Variants in WNT7B observed in about 807,000 individuals in gnomAD.
WNT7B encodes the protein Wnt family member 7B, also known as protein Wnt-7b.
A neutral mutation model predicts 38.2 loss-of-function variants in WNT7B; 19 were observed. The observed-to-expected ratio is 0.50, with a 90% CI of 0.35 to 0.73. The LOEUF is 0.73. Ranked by LOEUF, WNT7B falls within the 30% of genes least tolerant of loss-of-function variation. The pLI is 0.01. For missense variants in WNT7B, 423 were observed against 507.9 expected (o/e 0.83, Z 1.61); for synonymous variants, 243 against 209.3 (o/e 1.16, Z -1.39).
chr22:45,972,172 CAGG>C (rs1932459943), intron 1 of WNT7B: 2 of 628,256 alleles, frequency 3.2e-6, no homozygotes, highest in Non-Finnish European at 5.8e-6. Flanking sequence ...TGCCGCTGGA[CAGG>C]AGGAGAAAGA....
intron 1 of WNT7B, among the ~76,000 whole-genome samples, chr22:45,956,482 G>A (rs1198946855): frequency 2.0e-5 from 3 of 152,180 alleles, no homozygotes; most frequent in African/African-American, 7.2e-5. Context: ...CAGCAATTGT[G>A]AAGCTACTGG....
intron 3 of WNT7B, chr22:45,927,162 C>T (rs892814905): frequency 1.0e-6 from 1 of 984,846 alleles, no homozygotes; most frequent in African/African-American, 1.7e-5. Flanking sequence ...ACCTGCCTGC[C>T]CCACGTAGCA....
chr22:45,962,393 G>A (rs1014436656), intron 1 of WNT7B, among the ~76,000 whole-genome samples: 7 of 152,250 alleles, frequency 4.6e-5, no homozygotes, highest in East Asian at 1.9e-4. Context: ...GATCTCTACC[G>A]GCACCCAGGG....
intron 1 of WNT7B, among the ~76,000 whole-genome samples, chr22:45,971,509 G>A (rs1569126932): frequency 1.3e-5 from 2 of 152,140 alleles, no homozygotes; most frequent in Admixed American, 6.5e-5. Context: ...CCCACGCTCC[G>A]CGCTCTCCCT....
chr22:45,951,329 G>T lies in WNT7B; in HGVS notation c.72-1183C>A, dbSNP rs971480096. On this transcript the variant is annotated intron_variant, in intron 1 of 3. Transcript: ENST00000339464. This position sits in a 1 kb window ranked among gnomAD's most constrained non-coding sequence, Gnocchi z 4.8. ...TGACCTCAGGTCATCTGCCCGCCTC[G>T]GCCTCCCAAAATGCTGGGATTACAG... Among the ~76,000 whole-genome samples, 1 of 151,596 alleles carries T rather than the reference G, an allele frequency of 6.6e-6. No homozygotes were observed.
At position 45,966,397 on chromosome 22, in the gene WNT7B, C is replaced by T. The variant is rs542122342; in HGVS notation, c.71+10287G>A. On this transcript the variant is annotated intron_variant, in intron 1 of 3. Transcript: ENST00000339464. The surrounding 1 kb of genome is among the most constrained non-coding windows in gnomAD (Gnocchi z 4.2). ...AGCTGAGACACCACCAGTCCTTGTG[C>T]CCGGGCTCCCTCCGGCCTGGCCCAT... Among the ~76,000 whole-genome samples the T allele has an allele frequency of 2.0e-5, 3 of 152,362 alleles. No homozygotes were observed. The East Asian group carries it at 5.8e-4, about 29-fold the overall frequency.
rs899074860 is a variant in WNT7B, at chr22:45,942,904, C to CGT, written c.298+7014_298+7015dup. Among the ~76,000 whole-genome samples the CGT allele has an allele frequency of 1.7e-4, 26 of 148,948 alleles. No homozygotes were observed. The East Asian group carries it at 3.8e-3, about 22-fold the overall frequency. The stretch of plus-strand genomic sequence containing the variant: ...GCATGTATGTGCGTGTGTGTGCGCG[C>CGT]GTGTGTGCAGTGTGCACGTGTGTGC... On this transcript the variant is annotated intron_variant, in intron 2 of 3. Coordinates refer to ENST00000339464, the MANE Select transcript of WNT7B (RefSeq NM_058238.3).
At chr22:45,968,488 G>C (rs566218628) in intron 1 of WNT7B, among the ~76,000 whole-genome samples, 4 of 152,206 alleles carry the variant, frequency 2.6e-5, no homozygotes, top group Non-Finnish European at 5.9e-5. Flanking sequence ...GTCAGGATGA[G>C]GACCCAGATC....
Position 45,939,188 on chromosome 22 carries a change from C to G in WNT7B, c.299-7819G>C, listed in dbSNP as rs559921341. On this transcript the variant is annotated intron_variant, in intron 2 of 3. Coordinates refer to ENST00000339464, the MANE Select transcript of WNT7B (RefSeq NM_058238.3). Reference sequence around the variant, plus strand: ...GATGCTGGTGGCAGTGTGAGATGCTCGTGGCAGTGTGAGATGCTGCAGCCA... The same window carrying G: ...GATGCTGGTGGCAGTGTGAGATGCTGGTGGCAGTGTGAGATGCTGCAGCCA... Among the ~76,000 whole-genome samples the G allele has an allele frequency of 5.3e-5, 8 of 152,176 alleles. No homozygotes were observed. The South Asian group carries it at 6.2e-4, about 12-fold the overall frequency.
At position 45,931,338 on chromosome 22, in the gene WNT7B, G is replaced by A. The variant is rs1931350727; in HGVS notation, c.330C>T (p.Ile110=). The change falls in exon 3 of 4, where the codon ATC becomes ATT. Residue 110 remains isoleucine (I), a synonymous_variant. Transcript: ENST00000339464. ...GSREAAFTYA[I]TAAGVAHAVT... is the part of the protein sequence containing the mutation. ...CGGCGTGCGCCACGCCAGCCGCGGTGATGGCGTACGTGAAGGCAGCCTCAC... is the reference window on the plus strand; with the variant it reads ...CGGCGTGCGCCACGCCAGCCGCGGTAATGGCGTACGTGAAGGCAGCCTCAC... The A allele has an allele frequency of 2.5e-6, 4 of 1,594,562 alleles. No individual in the cohort carries two copies. Among genetic ancestry groups the A allele is most frequent in the Admixed American group, 1.7e-5 (1 of 59,852 alleles).
chr22:45,929,585 C>G (rs1222363665), intron 3 of WNT7B, among the ~76,000 whole-genome samples: 1 of 145,056 alleles, frequency 6.9e-6, no homozygotes, highest in Non-Finnish European at 1.5e-5. Flanking sequence ...TCCATACTTC[C>G]ATCCATTCAT....
rs9803004 is a variant in WNT7B, at chr22:45,939,672, A to C, written c.299-8303T>G. 2.4e-3 allele frequency among the ~76,000 whole-genome samples: 254 copies of C among 104,382 alleles called. 3 individuals are homozygous for C. In the East Asian group the frequency reaches 0.082, roughly 34 times the overall value. 68.5% of individuals were successfully genotyped at this position (104,382 alleles called of 152,430 possible). A position where few individuals can be genotyped will look rare whatever the true frequency, so the allele number is the denominator to read the frequency against. Reference sequence around the variant, plus strand: ...ACTCACACACACACACACACACACAAAAATAGCCAGGTGTGGTGGTGCACG... The same window carrying C: ...ACTCACACACACACACACACACACACAAATAGCCAGGTGTGGTGGTGCACG... On this transcript the variant is annotated intron_variant, in intron 2 of 3. Transcript: ENST00000339464.
rs559854590 is a variant in WNT7B, at chr22:45,975,578, G to A, written c.71+1106C>T. 331 of 716,974 alleles carry A rather than the reference G, an allele frequency of 4.6e-4. 5 individuals carry two copies. The highest frequency in any genetic ancestry group is 4.4e-3 in the South Asian group (296 of 67,550). 44.4% of individuals were successfully genotyped at this position (716,974 alleles called of 1,614,324 possible). A position where few individuals can be genotyped will look rare whatever the true frequency, so the allele number is the denominator to read the frequency against. On this transcript the variant is annotated intron_variant, in intron 1 of 3. Transcript: ENST00000339464. This position sits in a 1 kb window ranked among gnomAD's most constrained non-coding sequence, Gnocchi z 6.6. ...TGGCGGGGCAGACATGGGATGGAGGGTGATGGAGAGACGATTCCCAGCGCC... is the reference window on the plus strand; with the variant it reads ...TGGCGGGGCAGACATGGGATGGAGGATGATGGAGAGACGATTCCCAGCGCC...
rs1930931971 is a variant in WNT7B at position 45,921,660 on chromosome 22, CTG to C, written c.*1194_*1195del. 6.6e-6 allele frequency: 1 copy of C among 152,200 alleles called. No individual in the cohort carries two copies. The highest frequency in any genetic ancestry group is 2.1e-4 in the South Asian group (1 of 4,832). 9.4% of individuals were successfully genotyped at this position (152,200 alleles called of 1,614,324 possible). The stretch of plus-strand genomic sequence containing the variant: ...GCTGGCTCCAGGGGGAAGGGGGTCT[CTG>C]TAAACTGGAGGTGCCAGGCCGGGAG... On this transcript the variant is annotated 3_prime_UTR_variant, in exon 4 of 4. Coordinates refer to ENST00000339464, the MANE Select transcript of WNT7B (RefSeq NM_058238.3).
At chr22:45,945,228 C>A (rs1019565144) in intron 2 of WNT7B, among the ~76,000 whole-genome samples, 7 of 152,222 alleles carry the variant, frequency 4.6e-5, no homozygotes, top group African/African-American at 1.7e-4. Flanking sequence ...GGAGTACAGG[C>A]ATGTGCCACC....
At chr22:45,938,581 T>C (rs1233444001) in intron 2 of WNT7B, among the ~76,000 whole-genome samples, 1 of 151,250 alleles carries the variant, frequency 6.6e-6, no homozygotes. Context: ...GAGGTTGCAG[T>C]GAACCAAGAT....
chr22:45,964,457 G>C (rs1045693148), intron 1 of WNT7B, among the ~76,000 whole-genome samples: 2 of 152,190 alleles, frequency 1.3e-5, no homozygotes, highest in Admixed American at 6.5e-5. Flanking sequence ...GGGCACACAG[G>C]AGGAGCCCCA....
Position 45,951,535 on chromosome 22 carries a change from A to G in WNT7B, c.72-1389T>C, listed in dbSNP as rs558369806. Reference sequence around the variant, plus strand: ...ACCCCAGAAGGAAACTGTACCCATCAGTCACTCCCCGTTCTCCCCTCCCCG... The same window carrying G: ...ACCCCAGAAGGAAACTGTACCCATCGGTCACTCCCCGTTCTCCCCTCCCCG... On this transcript the variant is annotated intron_variant, in intron 1 of 3. Transcript: ENST00000339464. This position sits in a 1 kb window ranked among gnomAD's most constrained non-coding sequence, Gnocchi z 4.8. 2.6e-5 allele frequency among the ~76,000 whole-genome samples: 4 copies of G among 152,308 alleles called. No individual in the cohort carries two copies. The South Asian group carries it at 8.3e-4, about 32-fold the overall frequency.
Position 45,925,943 on chromosome 22 carries a change from C to T in WNT7B, c.571-2608G>A, listed in dbSNP as rs954783053. 9 of 985,284 alleles carry T rather than the reference C, an allele frequency of 9.1e-6. No individual in the cohort carries two copies. The Admixed American group carries it at 3.7e-4, about 40-fold the overall frequency. 61.0% of individuals were successfully genotyped at this position (985,284 alleles called of 1,614,324 possible). The stretch of plus-strand genomic sequence containing the variant: ...CTGCTGTGGCCCAGGATGGCTGCCC[C>T]TGGTACTGTGCCCTGTATCCCTCCC... On this transcript the variant is annotated intron_variant, in intron 3 of 3. Transcript: ENST00000339464.
Sources: allele counts gnomAD v4.1 joint callset (sites outside exome capture counted in the v4.1 genomes callset), GRCh38; gene constraint gnomAD v4.1.1; non-coding constraint Gnocchi (gnomAD v3.1); transcripts MANE v1.5; gene names NCBI Gene and HGNC (gene_info 2026-07-23, HGNC 2026-07-21).